Variants in NATD1 observed in about 807,000 individuals in gnomAD.
NATD1 encodes N-acetyltransferase domain containing 1.
Under a neutral mutation model 12.0 loss-of-function variants are expected in NATD1, and 9 were observed. The ratio of observed to expected loss-of-function variants is 0.75; its 90% CI spans 0.45 to 1.30. The LOEUF (loss-of-function observed/expected upper bound fraction) is 1.30, where lower values mean the gene tolerates loss of function less well. Among genes scored for constraint, NATD1 ranks in the 50% most tolerant of loss-of-function variants. The pLI, the probability that NATD1 is intolerant of heterozygous loss-of-function variation, is 0.00. For synonymous variants in NATD1, 71 were observed against 65.9 expected, an observed-to-expected ratio of 1.08 and a Z score of -0.37; for missense variants, 148 against 148.5, an observed-to-expected ratio of 1.00 and a Z score of 0.02.
At position 21,244,795 on chromosome 17, in the gene NATD1, C is replaced by T. The variant is rs1212786426; in HGVS notation, c.107-571G>A. Among the ~76,000 whole-genome samples, 1 of 152,238 alleles carries T rather than the reference C, an allele frequency of 6.6e-6. No individual in the cohort carries two copies. The highest frequency in any genetic ancestry group is 2.4e-5 in the African/African-American group (1 of 41,458). Reference sequence around the variant, plus strand: ...GGAGGCAGGAACAAACGGGTTTTCACACTCCACCAGGCCTGCCAAGCCTGG... The same window carrying T: ...GGAGGCAGGAACAAACGGGTTTTCATACTCCACCAGGCCTGCCAAGCCTGG... On this transcript the variant is annotated intron_variant, in intron 1 of 2. Transcript: ENST00000611551. The surrounding 1 kb of genome is among the most constrained non-coding windows in gnomAD (Gnocchi z 5.2).
rs1975268035 is a variant in NATD1, at chr17:21,241,144, G to A, written c.*2169C>T. On this transcript the variant is annotated 3_prime_UTR_variant, in exon 3 of 3. Coordinates refer to ENST00000611551, the MANE Select transcript of NATD1 (RefSeq NM_152914.3). ...CTAGAACACAGGGGTAGGAATCTTA[G>A]GTGGGAGTGGGAACAGAGTGGCACC... The A allele has an allele frequency of 6.6e-6, 1 of 152,456 alleles. No individual in the cohort carries two copies. Among genetic ancestry groups the A allele is most frequent in the South Asian group, 2.1e-4 (1 of 4,838 alleles). The allele number at this position is 152,456 out of a possible 1,614,324, so 9.4% of individuals were successfully genotyped here.
chr17:21,249,793 A>G (rs550104692), intron 1 of NATD1, among the ~76,000 whole-genome samples: 7 of 152,324 alleles, frequency 4.6e-5, no homozygotes, highest in Admixed American at 3.9e-4. Context: ...CCGTCCTCAG[A>G]TGGAGGCCGG....
At chr17:21,251,334 T>C (rs1975374677) in intron 1 of NATD1, among the ~76,000 whole-genome samples, 11 of 149,070 alleles carry the variant, frequency 7.4e-5, no homozygotes, top group Admixed American at 7.3e-4. Context: ...CTCTTCTTTC[T>C]GTCTCTGAGT....
chr17:21,245,538 C>T (rs547078232), intron 1 of NATD1, among the ~76,000 whole-genome samples: 1 of 152,316 alleles, frequency 6.6e-6, no homozygotes, highest in South Asian at 2.1e-4. Context: ...TTGGTATCTC[C>T]TTTGATTCTC....
rs1177622523 is a variant in NATD1, at chr17:21,240,331, G to A, written c.*2982C>T. ...CTCCACGCTGAAGGCTGTGCTGAGG[G>A]CTGAGCAAAAAGAGGCCAGACACCA... is the stretch of plus-strand genomic sequence containing the variant. On this transcript the variant is annotated 3_prime_UTR_variant, in exon 3 of 3. Coordinates refer to ENST00000611551, the MANE Select transcript of NATD1 (RefSeq NM_152914.3). 6.6e-6 allele frequency: 1 copy of A among 152,344 alleles called. No homozygotes were observed. 9.4% of individuals were successfully genotyped at this position (152,344 alleles called of 1,614,324 possible).
At position 21,239,376 on chromosome 17, in the gene NATD1, C is replaced by T. The variant is rs932033022; in HGVS notation, c.*3937G>A. 1 of 151,630 alleles carries T rather than the reference C, an allele frequency of 6.6e-6. No individual in the cohort carries two copies. Among genetic ancestry groups the T allele is most frequent in the Non-Finnish European group, 1.5e-5 (1 of 67,996 alleles). The allele number at this position is 151,630 out of a possible 1,614,324, so 9.4% of individuals were successfully genotyped here. A position where few individuals can be genotyped will look rare whatever the true frequency, so the allele number is the denominator to read the frequency against. On this transcript the variant is annotated 3_prime_UTR_variant, in exon 3 of 3. Transcript: ENST00000611551. ...CAAGAGGACGGGAGCTGGGCTGGGT[C>T]CTGAGCCCTTCTAGCGGTGTGGCTT...
intron 1 of NATD1, among the ~76,000 whole-genome samples, chr17:21,249,553 G>A (rs1975357259): frequency 6.6e-6 from 1 of 152,174 alleles, no homozygotes; most frequent in Non-Finnish European, 1.5e-5. Flanking sequence ...GCATCCAGGG[G>A]TGCTGAGGGA....
Position 21,242,925 on chromosome 17 carries a change from A to C in NATD1, c.*388T>G, listed in dbSNP as rs1423268690. On this transcript the variant is annotated 3_prime_UTR_variant, in exon 3 of 3. Transcript: ENST00000611551. Reference sequence around the variant, plus strand: ...TCTTGGCTCTGGAGCACACCTTCTTAATTTCCAGAAAGGACACAGGCCCAG... The same window carrying C: ...TCTTGGCTCTGGAGCACACCTTCTTCATTTCCAGAAAGGACACAGGCCCAG... 2 of 168,186 alleles carry C rather than the reference A, an allele frequency of 1.2e-5. No individual in the cohort carries two copies. Among genetic ancestry groups the C allele is most frequent in the African/African-American group, 4.7e-5 (2 of 42,128 alleles). 10.4% of individuals were successfully genotyped at this position (168,186 alleles called of 1,614,324 possible).
chr17:21,245,613 G>A (rs1019595323), intron 1 of NATD1, among the ~76,000 whole-genome samples: 13 of 152,122 alleles, frequency 8.5e-5, no homozygotes, highest in Admixed American at 2.0e-4. Context: ...CTACTGAGAT[G>A]CAGGGATCCA....
intron 1 of NATD1, among the ~76,000 whole-genome samples, chr17:21,249,118 G>A (rs919479775): frequency 2.0e-5 from 3 of 152,196 alleles, no homozygotes; most frequent in Admixed American, 2.0e-4. Flanking sequence ...CAGGGGACAG[G>A]GGCAGGACCT....
chr17:21,245,379 C>A (rs1975316392), intron 1 of NATD1, among the ~76,000 whole-genome samples: 2 of 152,164 alleles, frequency 1.3e-5, no homozygotes, highest in South Asian at 4.1e-4. Context: ...TGCTGTGTTT[C>A]ATGAGTTTTA....
In NATD1 at chr17:21,244,324, GC is replaced by G; in HGVS notation, c.107-101del. 22 of 954,532 alleles carry G rather than the reference GC, an allele frequency of 2.3e-5. No homozygotes were observed. The highest frequency in any genetic ancestry group is 3.1e-5 in the Non-Finnish European group (20 of 637,562). 59.1% of individuals were successfully genotyped at this position (954,532 alleles called of 1,614,324 possible). ...GACAGGCATTTGGAGTCATTCAGCT[GC>G]TACAGCTGAATCCTGAATAACCTCT... On this transcript the variant is annotated intron_variant, in intron 1 of 2. Coordinates refer to ENST00000611551, the MANE Select transcript of NATD1 (RefSeq NM_152914.3). The surrounding 1 kb of genome is among the most constrained non-coding windows in gnomAD (Gnocchi z 5.2).
chr17:21,251,293 G>GAAAAAAAAAAA (rs923554742), intron 1 of NATD1, among the ~76,000 whole-genome samples: 22 of 85,356 alleles, frequency 2.6e-4, no homozygotes, highest in Non-Finnish European at 3.1e-4. Flanking sequence ...GAAAGAAAAA[G>GAAAAAAAAAAA]AAAAAAAAAA....
Position 21,253,352 on chromosome 17 carries a change from A to C in NATD1, c.-88T>G, listed in dbSNP as rs974076613. 9.2e-5 allele frequency: 40 copies of C among 435,498 alleles called. No individual in the cohort carries two copies. Among genetic ancestry groups the C allele is most frequent in the African/African-American group, 9.0e-4 (40 of 44,294 alleles). 27.0% of individuals were successfully genotyped at this position (435,498 alleles called of 1,614,324 possible). A position where few individuals can be genotyped will look rare whatever the true frequency, so the allele number is the denominator to read the frequency against. On this transcript the variant is annotated 5_prime_UTR_variant, in exon 1 of 3. Coordinates refer to ENST00000611551, the MANE Select transcript of NATD1 (RefSeq NM_152914.3). Reference sequence around the variant, plus strand: ...CGCGGCGGGGCTGGAGCGCGGGCGCAGGCGGCAGGCGGTGGGGTAGTTACG... The same window carrying C: ...CGCGGCGGGGCTGGAGCGCGGGCGCCGGCGGCAGGCGGTGGGGTAGTTACG...
intron 1 of NATD1, among the ~76,000 whole-genome samples, chr17:21,248,388 C>T (rs1202588368): frequency 6.6e-6 from 1 of 152,190 alleles, no homozygotes; most frequent in Non-Finnish European, 1.5e-5. Context: ...ACCTGACCCT[C>T]GGCAGGACCG....
intron 1 of NATD1, among the ~76,000 whole-genome samples, chr17:21,247,470 C>T (rs1048944436): frequency 6.6e-6 from 1 of 152,216 alleles, no homozygotes; most frequent in Non-Finnish European, 1.5e-5. Flanking sequence ...CTCCACACAA[C>T]GATCCTCACA....
Position 21,243,364 on chromosome 17 carries a change from C to A in NATD1, c.291G>T (p.Lys97Asn), listed in dbSNP as rs1037967473. 5 of 1,613,428 alleles carry A rather than the reference C, an allele frequency of 3.1e-6. No individual in the cohort carries two copies. The highest frequency in any genetic ancestry group is 1.3e-5 in the African/African-American group (1 of 74,950). The change falls in exon 3 of 3, where the codon AAG (lysine) becomes AAT (asparagine). Residue 97 changes from lysine (K) to asparagine (N), a missense_variant. Coordinates refer to ENST00000611551, the MANE Select transcript of NATD1 (RefSeq NM_152914.3). ...KAHLTCWYIQ[K>N]YVKENPLPQY... ...GCGGCAGGGGGTTCTCCTTGACGTA[C>A]TTCTGGATGTACCAGCAGGTGAGAT...
chr17:21,252,839 C>T (rs1056666868), intron 1 of NATD1, among the ~76,000 whole-genome samples: 1 of 152,022 alleles, frequency 6.6e-6, no homozygotes. Context: ...CCCGCGCTGC[C>T]CCAGCTCCTG....
At chr17:21,250,046 GTCC>G (rs1222142392) in intron 1 of NATD1, among the ~76,000 whole-genome samples, 3 of 152,212 alleles carry the variant, frequency 2.0e-5, no homozygotes, top group Non-Finnish European at 4.4e-5. Context: ...TCCCTGCTCT[GTCC>G]TGGTCCCCAC....
Sources: allele counts gnomAD v4.1 joint callset (sites outside exome capture counted in the v4.1 genomes callset), GRCh38; gene constraint gnomAD v4.1.1; non-coding constraint Gnocchi (gnomAD v3.1); transcripts MANE v1.5; gene names NCBI Gene and HGNC (gene_info 2026-07-23, HGNC 2026-07-21).